CHD6: variants seen among roughly 807,000 people sequenced by gnomAD.
CHD6 encodes the protein chromodomain helicase DNA binding protein 6.
Under a neutral mutation model 276.9 loss-of-function variants are expected in CHD6, and 50 were observed. That is an observed-to-expected ratio of 0.18 (90% CI 0.14 to 0.23). The LOEUF (loss-of-function observed/expected upper bound fraction) is 0.23, where lower values mean the gene tolerates loss of function less well. CHD6 is among the 10% of genes least tolerant of loss of function. The pLI is 1.00. For synonymous variants in CHD6, 1,173 were observed against 1,229.3 expected (o/e 0.95, Z 0.96); for missense variants, 2,564 against 3,365.8 (o/e 0.76, Z 5.89).
chr20:41,532,093 T>C (rs1293537412), intron 3 of CHD6, among the ~76,000 whole-genome samples: 1 of 152,166 alleles, frequency 6.6e-6, no homozygotes, highest in African/African-American at 2.4e-5. Flanking sequence ...AGAAACAAAA[T>C]GAGAAATATA....
chr20:41,473,557 A>G lies in CHD6; in HGVS notation c.2469-40T>C, dbSNP rs1397257384. 1 of 1,533,830 alleles carries G rather than the reference A, an allele frequency of 6.5e-7. No homozygotes were observed. The highest frequency in any genetic ancestry group is 1.4e-5 in the African/African-American group (1 of 73,382). ...ATGAACGAAAGCCCAGGCGTTAATC[A>G]TGACTTCAATGGAGAACAGCACAAA... is the stretch of plus-strand genomic sequence containing the variant. On this transcript the variant is annotated intron_variant, in intron 16 of 36. Transcript: ENST00000373233. The surrounding 1 kb of genome is among the most constrained non-coding windows in gnomAD (Gnocchi z 4.1).
intron 1 of CHD6, among the ~76,000 whole-genome samples, chr20:41,557,066 G>A (rs909794855): frequency 7.2e-5 from 11 of 152,140 alleles, no homozygotes; most frequent in Admixed American, 5.9e-4. Flanking sequence ...TGTAATTTCA[G>A]GGTCTCAATA....
chr20:41,468,296 G>A (rs2042975351), intron 17 of CHD6, among the ~76,000 whole-genome samples: 1 of 151,986 alleles, frequency 6.6e-6, no homozygotes, highest in South Asian at 2.1e-4. Flanking sequence ...TTTTAGTAGA[G>A]ACAGCATTTC....
At chr20:41,446,674 C>T (rs889778637) in intron 24 of CHD6, among the ~76,000 whole-genome samples, 1 of 152,184 alleles carries the variant, frequency 6.6e-6, no homozygotes, top group African/African-American at 2.4e-5. Flanking sequence ...TGTTTCCTGA[C>T]CCCCACCTTT....
chr20:41,513,829 G>A (rs1282879958), intron 4 of CHD6, among the ~76,000 whole-genome samples: 1 of 152,140 alleles, frequency 6.6e-6, no homozygotes, highest in Non-Finnish European at 1.5e-5. Flanking sequence ...CCTCCTGAGT[G>A]TCTCTCTTCT....
chr20:41,589,773 C>T (rs916439456), intron 1 of CHD6, among the ~76,000 whole-genome samples: 10 of 152,276 alleles, frequency 6.6e-5, no homozygotes, highest in South Asian at 2.1e-4. Flanking sequence ...GAATCAATAT[C>T]GTGAAAATGG....
At chr20:41,587,343 G>T (rs2045606813) in intron 1 of CHD6, among the ~76,000 whole-genome samples, 1 of 152,192 alleles carries the variant, frequency 6.6e-6, no homozygotes, top group Non-Finnish European at 1.5e-5. Context: ...GATAGCCTAA[G>T]TAGCCTAAAC....
chr20:41,430,810 C>A (rs1197426168), intron 27 of CHD6, among the ~76,000 whole-genome samples: 1 of 147,942 alleles, frequency 6.8e-6, no homozygotes, highest in Admixed American at 6.8e-5. Flanking sequence ...AAATTCCAGA[C>A]AAAAGCAATA....
intron 2 of CHD6, among the ~76,000 whole-genome samples, chr20:41,549,260 T>C (rs1428140528): frequency 1.3e-4 from 19 of 151,686 alleles, no homozygotes; most frequent in Non-Finnish European, 2.4e-4. Context: ...CCAACAACGA[T>C]AGACTGGATT....
At chr20:41,554,369 C>CT (rs1337810035) in intron 1 of CHD6, among the ~76,000 whole-genome samples, 1 of 146,630 alleles carries the variant, frequency 6.8e-6, no homozygotes, top group African/African-American at 2.6e-5. Flanking sequence ...GCTAATGGCA[C>CT]TTTTATTTTT....
At chr20:41,602,033 A>G (rs920442821) in intron 1 of CHD6, among the ~76,000 whole-genome samples, 3 of 152,176 alleles carry the variant, frequency 2.0e-5, no homozygotes, top group Non-Finnish European at 2.9e-5. Context: ...GCAAAGCTAC[A>G]CTGCATTCTT....
intron 27 of CHD6, among the ~76,000 whole-genome samples, chr20:41,428,072 G>A (rs2047421340): frequency 6.6e-6 from 1 of 152,280 alleles, no homozygotes. Flanking sequence ...CTTGGTGTGA[G>A]GCAGGCATAC....
intron 17 of CHD6, among the ~76,000 whole-genome samples, chr20:41,462,707 T>A (rs1245309005): frequency 6.6e-6 from 1 of 152,212 alleles, no homozygotes; most frequent in Non-Finnish European, 1.5e-5. Context: ...TACATATACA[T>A]AAAGGTACAG....
At chr20:41,493,772 A>C in intron 9 of CHD6, 86 bp downstream of exon 9, 1 of 1,556,328 alleles carries the variant, frequency 6.4e-7, no homozygotes, top group East Asian at 2.3e-5. Flanking sequence ...ACTAGACAGG[A>C]ATACCACTAA....
intron 25 of CHD6, among the ~76,000 whole-genome samples, chr20:41,440,763 T>C (rs1210421486): frequency 1.3e-5 from 2 of 152,222 alleles, no homozygotes; most frequent in Non-Finnish European, 2.9e-5. Context: ...TTTTGTTTGA[T>C]AAAGTCCATG....
At chr20:41,579,129 CAA>C (rs58395642) in intron 1 of CHD6, among the ~76,000 whole-genome samples, 8,479 of 41,364 alleles carry the variant, frequency 0.2, 209 homozygotes, top group African/African-American at 0.24. Context: ...GACTCCATCT[CAA>C]AAAAAAAAAA....
chr20:41,519,656 C>T (rs1443110621), intron 3 of CHD6, among the ~76,000 whole-genome samples: 3 of 152,150 alleles, frequency 2.0e-5, no homozygotes, highest in Admixed American at 6.5e-5. Context: ...CTTCCTTACA[C>T]CTTATACAAA....
At chr20:41,498,061 G>A (rs1374357810) in intron 7 of CHD6, 107 bp downstream of exon 7, 2 of 780,264 alleles carry the variant, frequency 2.6e-6, no homozygotes, top group Non-Finnish European at 4.4e-6. Flanking sequence ...TGTGGGTCAT[G>A]CCTTAGAGGC....
chr20:41,611,851 T>C (rs998122908), intron 1 of CHD6, among the ~76,000 whole-genome samples: 1 of 152,208 alleles, frequency 6.6e-6, no homozygotes, highest in African/African-American at 2.4e-5. Context: ...CTGGCCAAGC[T>C]GGTCTTGAAT....
Sources: allele counts gnomAD v4.1 joint callset (sites outside exome capture counted in the v4.1 genomes callset), GRCh38; gene constraint gnomAD v4.1.1; non-coding constraint Gnocchi (gnomAD v3.1); transcripts MANE v1.5; gene names NCBI Gene and HGNC (gene_info 2026-07-23, HGNC 2026-07-21).